Variants in TRPV3 observed in about 807,000 individuals in gnomAD.
TRPV3 encodes VRL-3.
A neutral mutation model predicts 87.1 loss-of-function variants in TRPV3; 88 were observed. That is an observed-to-expected ratio of 1.01 (90% CI 0.85 to 1.21). The LOEUF (loss-of-function observed/expected upper bound fraction) is 1.21, where lower values mean the gene tolerates loss of function less well. Among genes scored for constraint, TRPV3 ranks in the 50% most tolerant of loss-of-function variants. The pLI is 0.00. For synonymous variants in TRPV3, 438 were observed against 423.3 expected (o/e 1.03, Z -0.43); for missense variants, 1,054 against 1,030.1 (o/e 1.02, Z -0.32).
rs547881020 is a variant in TRPV3 at position 3,522,834 on chromosome 17, A to G, written c.1743+1364T>C. 1.2e-3 allele frequency among the ~76,000 whole-genome samples: 184 copies of G among 152,138 alleles called. 1 individual carries two copies. Among genetic ancestry groups the G allele is most frequent in the Non-Finnish European group, 2.9e-4 (20 of 67,992 alleles). The stretch of plus-strand genomic sequence containing the variant: ...TCAGTCACAAACAAAAAAAAAAAAA[A>G]AAAGCAAAAATTATTCTAAGACTCA... On this transcript the variant is annotated intron_variant, in intron 13 of 17. Transcript: ENST00000576742.
At chr17:3,525,985 CATGCAGACATCTGCATAACATCCATT>C (rs1051706481) in intron 12 of TRPV3, among the ~76,000 whole-genome samples, 55 of 152,156 alleles carry the variant, frequency 3.6e-4, no homozygotes, top group African/African-American at 1.2e-3. Context: ...TACACAGTCA[CATGCAGACATCTGCATAACATCCATT>C]ATGCAGACAT....
At chr17:3,521,836 G>A (rs981873567) in intron 13 of TRPV3, among the ~76,000 whole-genome samples, 1 of 152,190 alleles carries the variant, frequency 6.6e-6, no homozygotes, top group Non-Finnish European at 1.5e-5. Context: ...AACACTTTGA[G>A]AGGCTGAGGT....
chr17:3,532,693 C>T lies in TRPV3; in HGVS notation c.1029G>A (p.Thr343=), dbSNP rs150065779. The change falls in exon 8 of 18, where the codon ACG becomes ACA. Residue 343 remains threonine, a synonymous_variant. Coordinates refer to ENST00000576742, the MANE Select transcript of TRPV3 (RefSeq NM_145068.4). ...LETTRNNDGL[T]PLQLAAKMGK... The stretch of plus-strand genomic sequence containing the variant: ...CCATCTTGGCGGCCAGCTGCAGCGG[C>T]GTGAGGCCATCGTTGTTGCGAGTGG... 35 of 1,614,126 alleles carry T rather than the reference C, an allele frequency of 2.2e-5. No homozygotes were observed. The highest frequency in any genetic ancestry group is 4.5e-5 in the East Asian group (2 of 44,896).
chr17:3,515,780 C>T (rs952473877), intron 16 of TRPV3, among the ~76,000 whole-genome samples: 2 of 152,128 alleles, frequency 1.3e-5, no homozygotes, highest in Non-Finnish European at 2.9e-5. Context: ...TCAAGTCACC[C>T]GGGGTCACAG....
chr17:3,540,096 C>T (rs12602818), intron 6 of TRPV3, among the ~76,000 whole-genome samples: 8 of 140,932 alleles, frequency 5.7e-5, no homozygotes, highest in East Asian at 4.7e-4. Context: ...AATAAATAAA[C>T]AAAGTCATTG....
chr17:3,546,034 C>T (rs2074522363), intron 2 of TRPV3, among the ~76,000 whole-genome samples: 1 of 151,024 alleles, frequency 6.6e-6, no homozygotes, highest in Non-Finnish European at 1.5e-5. Flanking sequence ...CACAGGGCCA[C>T]GTTCTTGTGA....
At position 3,530,001 on chromosome 17, in the gene TRPV3, C is replaced by A; in HGVS notation, c.1242+26G>T. On this transcript the variant is annotated intron_variant, in intron 9 of 17. Transcript: ENST00000576742. This position sits in a 1 kb window ranked among gnomAD's most constrained non-coding sequence, Gnocchi z 4.0. Reference sequence around the variant, plus strand: ...GAGGTCCAGCCCTCTTCTCCCTGCCCTTCCCCGCCTGTGCAGGAGACCCAC... The same window carrying A: ...GAGGTCCAGCCCTCTTCTCCCTGCCATTCCCCGCCTGTGCAGGAGACCCAC... The A allele has an allele frequency of 6.3e-7, 1 of 1,599,300 alleles. No homozygotes were observed. Among genetic ancestry groups the A allele is most frequent in the Non-Finnish European group, 8.5e-7 (1 of 1,170,628 alleles).
At chr17:3,514,391 T>C in intron 17 of TRPV3, 2 of 590,586 alleles carry the variant, frequency 3.4e-6, no homozygotes, top group Non-Finnish European at 6.0e-6. Context: ...CATGATGTGT[T>C]TCTATGGCTT....
At chr17:3,540,800 TAG>T (rs746177137) in intron 6 of TRPV3, among the ~76,000 whole-genome samples, 22 of 152,178 alleles carry the variant, frequency 1.4e-4, no homozygotes, top group Non-Finnish European at 2.2e-4. Flanking sequence ...GTCAACTCCT[TAG>T]AGACAGGCTG....
At chr17:3,519,476 A>AGATGGTTGGATGGATGGATGGATG (rs2074217194) in intron 14 of TRPV3, among the ~76,000 whole-genome samples, 7 of 110,126 alleles carry the variant, frequency 6.4e-5, no homozygotes, top group South Asian at 3.3e-4. Flanking sequence ...ATGGATGGAT[A>AGATGGTTGGATGGATGGATGGATG]GATGATTGGA....
At position 3,511,482 on chromosome 17, in the gene TRPV3, G is replaced by A. The variant is rs1314745146; in HGVS notation, c.*2435C>T. The A allele has an allele frequency of 1.3e-5, 2 of 152,156 alleles. No homozygotes were observed. The highest frequency in any genetic ancestry group is 1.3e-4 in the Admixed American group (2 of 15,274). The allele number at this position is 152,156 out of a possible 1,614,324, so 9.4% of individuals were successfully genotyped here. A position where few individuals can be genotyped will look rare whatever the true frequency, so the allele number is the denominator to read the frequency against. The stretch of plus-strand genomic sequence containing the variant: ...ATTCCTCTCGGAGCATTAGCCTCTG[G>A]GCGTAAAATGAAGGAAGTGCTCCTT... On this transcript the variant is annotated 3_prime_UTR_variant, in exon 18 of 18. Transcript: ENST00000576742.
At chr17:3,541,526 C>A (rs2074460688) in intron 6 of TRPV3, among the ~76,000 whole-genome samples, 1 of 152,210 alleles carries the variant, frequency 6.6e-6, no homozygotes, top group African/African-American at 2.4e-5. Context: ...ACACATCTTA[C>A]TGATTTTCCC....
At chr17:3,541,064 C>T (rs1482664518) in intron 6 of TRPV3, among the ~76,000 whole-genome samples, 2 of 152,184 alleles carry the variant, frequency 1.3e-5, no homozygotes. Context: ...TAAACTCCCA[C>T]CTGGAAAAAC....
chr17:3,516,143 G>C (rs147991646), intron 16 of TRPV3, among the ~76,000 whole-genome samples: 4 of 151,874 alleles, frequency 2.6e-5, no homozygotes, highest in Admixed American at 6.6e-5. Flanking sequence ...CCAAGATTGC[G>C]CCATTGCACT....
At position 3,529,254 on chromosome 17, in the gene TRPV3, T is replaced by C. The variant is rs188026592; in HGVS notation, c.1243-259A>G. 1.4e-3 allele frequency among the ~76,000 whole-genome samples: 217 copies of C among 152,116 alleles called. 1 individual carries two copies. Among genetic ancestry groups the C allele is most frequent in the African/African-American group, 4.5e-3 (185 of 41,488 alleles). On this transcript the variant is annotated intron_variant, in intron 9 of 17. Coordinates refer to ENST00000576742, the MANE Select transcript of TRPV3 (RefSeq NM_145068.4). Reference sequence around the variant, plus strand: ...CCGATGCACAGCAGAAAGTGGAGGATAGAAGCGGGCAGGAGGTGGTGGCAG... The same window carrying C: ...CCGATGCACAGCAGAAAGTGGAGGACAGAAGCGGGCAGGAGGTGGTGGCAG...
At chr17:3,541,380 C>CA (rs2150799853) in intron 6 of TRPV3, among the ~76,000 whole-genome samples, 2 of 152,104 alleles carry the variant, frequency 1.3e-5, no homozygotes, top group East Asian at 3.9e-4. Context: ...AAAACAAAAA[C>CA]AAAAAAGCTC....
At chr17:3,527,465 T>G (rs181552183) in intron 11 of TRPV3, among the ~76,000 whole-genome samples, 1 of 152,158 alleles carries the variant, frequency 6.6e-6, no homozygotes, top group Non-Finnish European at 1.5e-5. Context: ...TTTATGCCTA[T>G]GCTATGTCCC....
At chr17:3,553,389 G>A (rs2074597310) in intron 2 of TRPV3, 1 of 152,530 alleles carries the variant, frequency 6.6e-6, no homozygotes, top group Non-Finnish European at 1.5e-5. Flanking sequence ...ATCCCTCCAT[G>A]GCTCCCCACT....
chr17:3,535,623 G>C lies in TRPV3; in HGVS notation c.734C>G (p.Ala245Gly), dbSNP rs764427312. ...IAAGADVNAH[A>G]KGAFFNPKYQ... ...CTTGGGGTTGAAGAAGGCCCCCTTG[G>C]CGTGCGCGTTGACGTCGGCGCCGGC... The change falls in exon 7 of 18, where the codon GCC (alanine) becomes GGC (glycine). Residue 245 changes from alanine to glycine, a missense_variant. Physicochemically the swap from Ala to Gly is moderately conservative, Grantham distance 60. Coordinates refer to ENST00000576742, the MANE Select transcript of TRPV3 (RefSeq NM_145068.4). The C allele has an allele frequency of 6.2e-7, 1 of 1,609,702 alleles. No individual in the cohort carries two copies. Among genetic ancestry groups the C allele is most frequent in the South Asian group, 1.1e-5 (1 of 90,654 alleles).
Sources: gnomAD v4.1 joint callset for allele counts (sites outside exome capture counted in the v4.1 genomes callset) on GRCh38, gnomAD v4.1.1 for gene constraint, Gnocchi (gnomAD v3.1) non-coding constraint, MANE v1.5 for transcripts, NCBI Gene and HGNC (gene_info 2026-07-23, HGNC 2026-07-21) for gene names.